TJP1: variants seen among roughly 807,000 people sequenced by gnomAD.
TJP1 encodes the protein tight junction protein 1.
A neutral mutation model predicts 194.2 loss-of-function variants in TJP1; 43 were observed. The ratio of observed to expected loss-of-function variants is 0.22; its 90% CI spans 0.17 to 0.29. The LOEUF is 0.29. TJP1 is among the 10% of genes least tolerant of loss of function. The pLI, the probability that TJP1 is intolerant of heterozygous loss-of-function variation, is 1.00. For synonymous variants in TJP1, 801 were observed against 779.0 expected (o/e 1.03, Z -0.47); for missense variants, 1,971 against 2,185.7 (o/e 0.90, Z 1.96).
intron 2 of TJP1, among the ~76,000 whole-genome samples, chr15:29,798,686 G>T (rs963348516): frequency 1.3e-5 from 2 of 152,026 alleles, no homozygotes; most frequent in African/African-American, 4.8e-5. Flanking sequence ...TTACCCAAAA[G>T]AAATAAAAAG....
chr15:29,837,162 GAAC>G (rs540227767), intron 2 of TJP1, among the ~76,000 whole-genome samples: 58 of 152,246 alleles, frequency 3.8e-4, no homozygotes, highest in Admixed American at 7.2e-4. Flanking sequence ...TATTTAAACA[GAAC>G]AACAATAGAA....
intron 1 of TJP1, among the ~76,000 whole-genome samples, chr15:29,801,998 G>T (rs890614016): frequency 3.9e-5 from 6 of 152,236 alleles, no homozygotes; most frequent in South Asian, 2.1e-4. Flanking sequence ...TTGATCTAAG[G>T]AATTAGCAGT....
At chr15:29,916,403 G>T (rs2054188608) in intron 2 of TJP1, among the ~76,000 whole-genome samples, 2 of 151,938 alleles carry the variant, frequency 1.3e-5, no homozygotes, top group South Asian at 4.1e-4. Flanking sequence ...ACATAACAGA[G>T]CAACTTGAGA....
At chr15:29,882,576 T>C (rs2052975000) in intron 2 of TJP1, among the ~76,000 whole-genome samples, 2 of 152,194 alleles carry the variant, frequency 1.3e-5, no homozygotes, top group African/African-American at 4.8e-5. Flanking sequence ...AAATTCAGTT[T>C]GTTATGAGAT....
chr15:29,774,990 T>C (rs2046925804), intron 2 of TJP1, among the ~76,000 whole-genome samples: 1 of 151,702 alleles, frequency 6.6e-6, no homozygotes, highest in Non-Finnish European at 1.5e-5. Flanking sequence ...AACGGAAAAC[T>C]TCAGAAATAA....
At chr15:29,829,062 G>A (rs2050758681) in intron 2 of TJP1, among the ~76,000 whole-genome samples, 1 of 152,148 alleles carries the variant, frequency 6.6e-6, no homozygotes, top group South Asian at 2.1e-4. Flanking sequence ...CCAATTCTAA[G>A]TCTTGGCTCT....
In TJP1 at chr15:29,822,452, G is replaced by T. The variant is rs1466728422; in HGVS notation, c.-424C>A. Reference sequence around the variant, plus strand: ...GGCGTCCGCTGGCTCAGCCGGCGCCGGCAACTCAGCGGCCACGCAAACCTG... The same window carrying T: ...GGCGTCCGCTGGCTCAGCCGGCGCCTGCAACTCAGCGGCCACGCAAACCTG... On this transcript the variant is annotated 5_prime_UTR_variant, in exon 1 of 28. Coordinates refer to ENST00000614355, the MANE Select transcript of TJP1 (RefSeq NM_001330239.4). The T allele has an allele frequency of 4.1e-6, 4 of 986,650 alleles. No individual in the cohort carries two copies. The highest frequency in any genetic ancestry group is 9.4e-5 in the South Asian group (2 of 21,316). The allele number at this position is 986,650 out of a possible 1,614,324, so 61.1% of individuals were successfully genotyped here. A position where few individuals can be genotyped will look rare whatever the true frequency, so the allele number is the denominator to read the frequency against.
At chr15:29,821,403 T>G (rs2050334911) in intron 1 of TJP1, 1 of 152,246 alleles carries the variant, frequency 6.6e-6, no homozygotes, top group African/African-American at 2.4e-5. Flanking sequence ...AAAGAGGTTA[T>G]TTTCAAAGTT....
intron 2 of TJP1, among the ~76,000 whole-genome samples, chr15:29,786,136 A>C (rs568806365): frequency 2.6e-5 from 4 of 152,328 alleles, no homozygotes; most frequent in African/African-American, 9.6e-5. Context: ...TCAATCTTCT[A>C]TGACTGTCAG....
intron 2 of TJP1, 135 bp downstream of exon 2, chr15:29,800,511 C>CT: frequency 1.3e-6 from 1 of 762,758 alleles, no homozygotes; most frequent in Non-Finnish European, 2.1e-6. Flanking sequence ...TATTGTAACT[C>CT]TAATTTTAAA....
chr15:29,714,755 A>G (rs2042456951), intron 23 of TJP1, among the ~76,000 whole-genome samples: 3 of 150,604 alleles, frequency 2.0e-5, no homozygotes, highest in African/African-American at 7.3e-5. Flanking sequence ...GTTAGCCAGG[A>G]TGGTCTCGAT....
At chr15:29,713,376 T>C (rs2042359008) in intron 23 of TJP1, among the ~76,000 whole-genome samples, 1 of 152,232 alleles carries the variant, frequency 6.6e-6, no homozygotes. Flanking sequence ...CCTTTCCAGT[T>C]CTAATCCAGC....
At chr15:29,766,649 C>G in intron 4 of TJP1, 107 bp from the exon 5 acceptor site, 1 of 1,129,206 alleles carries the variant, frequency 8.9e-7, no homozygotes, top group South Asian at 2.2e-5. Context: ...TAACTATGAA[C>G]CAGCAAGAAA....
chr15:29,850,151 C>A (rs781268739), intron 2 of TJP1, among the ~76,000 whole-genome samples: 1 of 152,238 alleles, frequency 6.6e-6, no homozygotes, highest in African/African-American at 2.4e-5. Flanking sequence ...ACACCTTATA[C>A]AAAAATTAAC....
chr15:29,880,826 C>T (rs1423032713), intron 2 of TJP1, among the ~76,000 whole-genome samples: 2 of 152,150 alleles, frequency 1.3e-5, no homozygotes, highest in Admixed American at 1.3e-4. Flanking sequence ...ATCACATTTT[C>T]TTTATCCATT....
intron 2 of TJP1, among the ~76,000 whole-genome samples, chr15:29,835,434 A>G (rs1418339238): frequency 6.6e-6 from 1 of 152,274 alleles, no homozygotes; most frequent in East Asian, 1.9e-4. Flanking sequence ...CTGTCTCTGG[A>G]TTGTTTGGAA....
intron 2 of TJP1, among the ~76,000 whole-genome samples, chr15:29,897,975 G>A (rs1261117134): frequency 2.0e-5 from 3 of 152,188 alleles, no homozygotes; most frequent in African/African-American, 7.2e-5. Flanking sequence ...GGACTTTTGA[G>A]TTAATGCTGA....
rs765283963 is a variant in TJP1 at position 29,718,508 on chromosome 15, C to A, written c.3634G>T (p.Gly1212Cys). Residue 1212 changes from glycine (G) to cysteine (C), a missense_variant, in exon 21 of 28, where the codon GGT becomes TGT. Transcript: ENST00000614355. ...VPPQGFTSRA[G>C]HFEPLHGAAA... Reference sequence around the variant, plus strand: ...GCACCATGGAGAGGCTCAAAATGACCTGCTCTAGAGGTAAATCCTTGGGGT... The same window carrying A: ...GCACCATGGAGAGGCTCAAAATGACATGCTCTAGAGGTAAATCCTTGGGGT... 6.2e-7 allele frequency: 1 copy of A among 1,614,146 alleles called. No homozygotes were observed. The highest frequency in any genetic ancestry group is 1.1e-5 in the South Asian group (1 of 91,084).
intron 2 of TJP1, among the ~76,000 whole-genome samples, chr15:29,883,261 C>A (rs766268496): frequency 6.7e-6 from 1 of 148,204 alleles, no homozygotes; most frequent in Non-Finnish European, 1.5e-5. Context: ...ACTTAAGTGA[C>A]GCTGGGTCCG....
Sources: allele counts gnomAD v4.1 joint callset (sites outside exome capture counted in the v4.1 genomes callset), GRCh38; gene constraint gnomAD v4.1.1; transcripts MANE v1.5; gene names NCBI Gene and HGNC (gene_info 2026-07-23, HGNC 2026-07-21).